LYST: variants seen among roughly 807,000 people sequenced by gnomAD.
LYST encodes the protein lysosomal trafficking regulator.
LYST carries 192 observed loss-of-function variants against 413.6 expected under a neutral mutation model. The ratio of observed to expected loss-of-function variants is 0.46; its 90% CI spans 0.41 to 0.52. LYST has a LOEUF of 0.52. Ranked by LOEUF, LYST falls within the 20% of genes least tolerant of loss-of-function variation. LYST has a pLI of 0.00. For synonymous variants in LYST, 1,525 were observed against 1,567.3 expected (o/e 0.97, Z 0.64); for missense variants, 3,815 against 4,499.9 (o/e 0.85, Z 4.35).
intron 28 of LYST, among the ~76,000 whole-genome samples, chr1:235,749,930 A>C (rs1009536010): frequency 1.7e-4 from 26 of 152,224 alleles, no homozygotes; most frequent in Non-Finnish European, 3.8e-4. Flanking sequence ...CCCAGGCACA[A>C]GGTGATAATT....
chr1:235,846,237 G>T (rs575032804), intron 1 of LYST, among the ~76,000 whole-genome samples: 26 of 152,254 alleles, frequency 1.7e-4, no homozygotes, highest in African/African-American at 4.8e-4. Flanking sequence ...TGGAGCCAGG[G>T]AGACTCGCTG....
In LYST at chr1:235,753,163, A is replaced by C. The variant is rs762986997; in HGVS notation, c.7341T>G (p.Ala2447=). 3 of 1,606,576 alleles carry C rather than the reference A, an allele frequency of 1.9e-6. No homozygotes were observed. The highest frequency in any genetic ancestry group is 2.6e-6 in the Non-Finnish European group (3 of 1,173,512). Residue 2447 remains alanine, a synonymous_variant, in exon 26 of 53, where the codon GCT becomes GCG. Coordinates refer to ENST00000389793, the MANE Select transcript of LYST (RefSeq NM_000081.4). ...SLYDNILLHN[A]LLLLLQILNS... is the part of the protein sequence containing the mutation. ...TTAAAATTTGGAGAAGAAGTAAAAG[A>C]GCATTATGCAAGAGTATGTTGTCAT...
chr1:235,810,305 A>G lies in LYST; in HGVS notation c.513T>C (p.Asn171=). 1.2e-6 allele frequency: 2 copies of G among 1,614,120 alleles called. No individual in the cohort carries two copies. The highest frequency in any genetic ancestry group is 2.7e-5 in the African/African-American group (2 of 75,056). ...TCATTGCTATGCCTTTTTCATCTGA[A>G]TTGGCTTCTGAATCTGAGGTGGAGA... ...TQLSTSDSEA[N]SDEKGIAMNK... is the part of the protein sequence containing the mutation. Residue 171 remains asparagine (N), a synonymous_variant, in exon 5 of 53, where the codon AAT becomes AAC. Transcript: ENST00000389793.
intron 50 of LYST, among the ~76,000 whole-genome samples, chr1:235,672,580 A>C (rs1055463736): frequency 2.6e-5 from 4 of 152,200 alleles, no homozygotes; most frequent in African/African-American, 4.8e-5. Flanking sequence ...TACTGCAAAT[A>C]ACTTTCCATA....
Position 235,813,054 on chromosome 1 carries a change from G to T in LYST, c.200C>A (p.Thr67Lys). The T allele has an allele frequency of 6.3e-7, 1 of 1,577,014 alleles. No individual in the cohort carries two copies. The highest frequency in any genetic ancestry group is 8.7e-7 in the Non-Finnish European group (1 of 1,146,332). The change falls in exon 4 of 53, where the codon ACA becomes AAA. Residue 67 changes from threonine to lysine, a missense_variant. Physicochemically the swap from Thr to Lys is moderately conservative, Grantham distance 78. Around this residue, in one of 4 missense-constraint regions of LYST, gnomAD observed 1,648 missense variants for 1,810.3 expected, o/e 0.91. Coordinates refer to ENST00000389793, the MANE Select transcript of LYST (RefSeq NM_000081.4). ...AAGAGTCAGGAGTTCTTCTCTACAT[G>T]TCAATGCCTATGTCAGTAACAAAAG... ...KLNSIIDQAL[T>K]CREELLTLLL...
intron 12 of LYST, among the ~76,000 whole-genome samples, chr1:235,790,372 T>A (rs1670858004): frequency 6.6e-6 from 1 of 152,218 alleles, no homozygotes; most frequent in Non-Finnish European, 1.5e-5. Flanking sequence ...ACAGATAGTA[T>A]GAGCACTTAC....
intron 20 of LYST, among the ~76,000 whole-genome samples, chr1:235,768,792 GA>G (rs1388226516): frequency 1.3e-5 from 2 of 151,980 alleles, no homozygotes; most frequent in Non-Finnish European, 2.9e-5. Flanking sequence ...ACATGCGAAG[GA>G]AAAAATTTTG....
At chr1:235,867,557 C>A (rs1251808644), upstream of LYST, among the ~76,000 whole-genome samples, 3 of 152,172 alleles carry the variant, frequency 2.0e-5, no homozygotes, top group Non-Finnish European at 4.4e-5. Flanking sequence ...CCTGTTCAAA[C>A]ACGGTTTGTA....
chr1:235,807,333 G>C lies in LYST; in HGVS notation c.2364-561C>G, dbSNP rs116669071. Among the ~76,000 whole-genome samples, 310 of 152,196 alleles carry C rather than the reference G, an allele frequency of 2.0e-3. 1 individual carries two copies. Among genetic ancestry groups the C allele is most frequent in the Middle Eastern group, 0.017 (5 of 294 alleles). On this transcript the variant is annotated intron_variant, in intron 5 of 52. Transcript: ENST00000389793. ...AGTCAATGGTACAAATATTATAAAA[G>C]TTTTTCAGCTCTGTCTCAGGTGAGA... is the stretch of plus-strand genomic sequence containing the variant.
chr1:235,828,146 CTGT>C (rs1675545759), intron 3 of LYST: 4 of 965,654 alleles, frequency 4.1e-6, no homozygotes, highest in Non-Finnish European at 3.7e-6. Flanking sequence ...ATTATTGCTG[CTGT>C]TATGACATGA....
intron 1 of LYST, among the ~76,000 whole-genome samples, chr1:235,876,130 G>A (rs954466706): frequency 6.6e-6 from 1 of 152,054 alleles, no homozygotes; most frequent in Non-Finnish European, 1.5e-5. Flanking sequence ...GCTGAGGTGA[G>A]AGGATCACTT....
intron 36 of LYST, 137 bp downstream of exon 36, chr1:235,730,710 C>T (rs920606048): frequency 4.5e-6 from 3 of 669,172 alleles, no homozygotes; most frequent in African/African-American, 3.6e-5. Flanking sequence ...GGCCATATAA[C>T]CTTGTCCTCC....
chr1:235,837,912 A>G (rs1337786364), intron 1 of LYST, among the ~76,000 whole-genome samples: 2 of 152,172 alleles, frequency 1.3e-5, no homozygotes, highest in African/African-American at 4.8e-5. Context: ...AAGCTGAAAC[A>G]TAGTATGTTT....
chr1:235,843,481 T>C (rs1021425972), intron 1 of LYST, among the ~76,000 whole-genome samples: 1 of 152,112 alleles, frequency 6.6e-6, no homozygotes, highest in Non-Finnish European at 1.5e-5. Context: ...AGAGTTGCTA[T>C]GTGGAGCCTA....
chr1:235,856,112 T>G (rs1274162483), intron 1 of LYST, among the ~76,000 whole-genome samples: 1 of 152,134 alleles, frequency 6.6e-6, no homozygotes, highest in Admixed American at 6.5e-5. Context: ...TTTTTTTCCC[T>G]ACCACACTGG....
At chr1:235,848,307 T>C (rs570638463) in intron 1 of LYST, among the ~76,000 whole-genome samples, 24 of 152,234 alleles carry the variant, frequency 1.6e-4, no homozygotes, top group African/African-American at 4.6e-4. Flanking sequence ...GAAATCAAGA[T>C]AGAAATTAAA....
At chr1:235,800,298 G>A (rs781089820) in intron 10 of LYST, 22 bp downstream of exon 10, 5 of 1,436,452 alleles carry the variant, frequency 3.5e-6, no homozygotes, top group South Asian at 2.3e-5. Context: ...CAGAGCTATT[G>A]TTTAAAACAG....
At chr1:235,866,403 C>T (rs982425508) in intron 1 of LYST, among the ~76,000 whole-genome samples, 1 of 152,222 alleles carries the variant, frequency 6.6e-6, no homozygotes, top group African/African-American at 2.4e-5. Context: ...ACCGTCAACT[C>T]CCATCGTCAA....
intron 1 of LYST, among the ~76,000 whole-genome samples, chr1:235,882,346 A>T (rs775907572): frequency 1.1e-4 from 16 of 152,248 alleles, no homozygotes; most frequent in Non-Finnish European, 2.2e-4. Flanking sequence ...TGAAGCTGCA[A>T]TGGCAGAGGG....
Sources: gnomAD v4.1 joint callset for allele counts (sites outside exome capture counted in the v4.1 genomes callset) on GRCh38, gnomAD v4.1.1 for gene constraint, gnomAD v4.1.1 regional missense constraint, MANE v1.5 for transcripts, NCBI Gene and HGNC (gene_info 2026-07-23, HGNC 2026-07-21) for gene names.